The following DAB2IP variants were observed in gnomAD, a reference collection of about 807,000 sequenced individuals.
The protein encoded by DAB2IP is DAB2 interacting protein.
DAB2IP carries 28 observed loss-of-function variants against 107.2 expected under a neutral mutation model. That is an observed-to-expected ratio of 0.26 (90% CI 0.19 to 0.36). The LOEUF is 0.36. Among genes scored for constraint, DAB2IP ranks in the 10% least tolerant of loss-of-function variants. DAB2IP has a pLI of 1.00. For synonymous variants in DAB2IP, 755 were observed against 706.4 expected, an observed-to-expected ratio of 1.07 and a Z score of -1.09; for missense variants, 1,400 against 1,644.7, an observed-to-expected ratio of 0.85 and a Z score of 2.57.
intron 1 of DAB2IP, among the ~76,000 whole-genome samples, chr9:121,629,950 A>C (rs1269973100): frequency 6.6e-6 from 1 of 152,244 alleles, no homozygotes; most frequent in Non-Finnish European, 1.5e-5. Context: ...GTGTCCAAGA[A>C]CTGGAATAGG....
At chr9:121,611,375 C>T (rs1291623068) in intron 1 of DAB2IP, among the ~76,000 whole-genome samples, 1 of 152,118 alleles carries the variant, frequency 6.6e-6, no homozygotes, top group Non-Finnish European at 1.5e-5. Context: ...GTAACTCGTT[C>T]CCACCCCAAG....
At chr9:121,596,306 G>A (rs1203092254) in intron 1 of DAB2IP, among the ~76,000 whole-genome samples, 6 of 152,100 alleles carry the variant, frequency 3.9e-5, no homozygotes, top group Admixed American at 3.9e-4. Context: ...ACTCCAGCCT[G>A]GGCAATAAGA....
At chr9:121,697,791 G>T (rs1245210518) in intron 2 of DAB2IP, among the ~76,000 whole-genome samples, 3 of 152,190 alleles carry the variant, frequency 2.0e-5, no homozygotes, top group Non-Finnish European at 4.4e-5. Flanking sequence ...GGCCACAGGG[G>T]TATGTCTCCT....
intron 1 of DAB2IP, among the ~76,000 whole-genome samples, chr9:121,616,736 A>ACCGGCCCTGGC (rs1831292962): frequency 6.6e-6 from 1 of 152,166 alleles, no homozygotes; most frequent in African/African-American, 2.4e-5. Flanking sequence ...AGTCCTGAGT[A>ACCGGCCCTGGC]CCGGCCCTGG....
rs141368984 is a variant in DAB2IP at position 121,601,886 on chromosome 9, TTG to T, written c.40+34677_40+34678del. ...TTGATCCTTGCTTGCATACATGCCT[TTG>T]TGTGTGTGTGTGTGTGTGCGCGTGC... On this transcript the variant is annotated intron_variant, in intron 1 of 16. Coordinates refer to the DAB2IP transcript ENST00000259371. 1.6e-4 allele frequency among the ~76,000 whole-genome samples: 24 copies of T among 151,252 alleles called. No individual in the cohort carries two copies. The East Asian group carries it at 2.0e-3, about 12-fold the overall frequency.
At chr9:121,682,883 G>A (rs544113763) in intron 2 of DAB2IP, among the ~76,000 whole-genome samples, 57 of 152,120 alleles carry the variant, frequency 3.7e-4, no homozygotes, top group African/African-American at 1.3e-3. Flanking sequence ...GGGGGGTAGG[G>A]GAGTGGCTCT....
chr9:121,758,637 TGAGGGAC>T (rs1833659787), intron 4 of DAB2IP, among the ~76,000 whole-genome samples: 1 of 152,214 alleles, frequency 6.6e-6, no homozygotes, highest in Non-Finnish European at 1.5e-5. Context: ...CAGAGGGCAC[TGAGGGAC>T]GAGTGAGGAG....
chr9:121,698,014 G>A lies in DAB2IP; in HGVS notation c.229-1311G>A, dbSNP rs1054484970. Among the ~76,000 whole-genome samples the A allele has an allele frequency of 1.3e-5, 2 of 152,330 alleles. No individual in the cohort carries two copies. Among genetic ancestry groups the A allele is most frequent in the Middle Eastern group, 3.4e-3 (1 of 294 alleles). On this transcript the variant is annotated intron_variant, in intron 2 of 15. Transcript: ENST00000408936. The surrounding 1 kb of genome is among the most constrained non-coding windows in gnomAD (Gnocchi z 4.1). ...ACATGAGATGACTTGTACAGCCCAT[G>A]TTTGACCTTGTCATGTTGAAGATGG...
chr9:121,589,051 C>A (rs894518000), intron 1 of DAB2IP, among the ~76,000 whole-genome samples: 1 of 152,170 alleles, frequency 6.6e-6, no homozygotes, highest in African/African-American at 2.4e-5. Flanking sequence ...TTCCTGTCCT[C>A]CCTTCCCTGC....
At chr9:121,600,927 C>G (rs1830668322) in intron 1 of DAB2IP, among the ~76,000 whole-genome samples, 1 of 152,182 alleles carries the variant, frequency 6.6e-6, no homozygotes. Context: ...CCTGTGCCCT[C>G]TTGCTGTCTG....
In DAB2IP at chr9:121,702,146, A is replaced by G. The variant is rs1244736623; in HGVS notation, c.362+2688A>G. Among the ~76,000 whole-genome samples, 1 of 152,172 alleles carries G rather than the reference A, an allele frequency of 6.6e-6. No individual in the cohort carries two copies. The highest frequency in any genetic ancestry group is 1.5e-5 in the Non-Finnish European group (1 of 68,034). ...ATCTATCTGGTTTATATGGCTGCTG[A>G]AGAGGCTTTGTTGAATGCTGTCTGC... On this transcript the variant is annotated intron_variant, in intron 3 of 15. Transcript: ENST00000408936. The surrounding 1 kb of genome is among the most constrained non-coding windows in gnomAD (Gnocchi z 4.5).
At chr9:121,758,764 T>G in intron 4 of DAB2IP, 134 bp from the exon 5 acceptor site, 3 of 739,564 alleles carry the variant, frequency 4.1e-6, no homozygotes, top group Non-Finnish European at 7.0e-6. Flanking sequence ...ATGAGCCTTG[T>G]CCTGGCTCCT....
intron 3 of DAB2IP, among the ~76,000 whole-genome samples, chr9:121,738,286 C>T (rs558681795): frequency 2.0e-5 from 3 of 152,186 alleles, no homozygotes; most frequent in African/African-American, 7.2e-5. Context: ...CCTGTGCCCT[C>T]GCGCTCTCCC....
At chr9:121,624,803 C>T (rs995187515) in intron 1 of DAB2IP, among the ~76,000 whole-genome samples, 2 of 152,184 alleles carry the variant, frequency 1.3e-5, no homozygotes, top group Non-Finnish European at 2.9e-5. Flanking sequence ...TTATGTAACA[C>T]ACAACTGTAC....
chr9:121,656,580 C>T (rs1832981452), intron 1 of DAB2IP, among the ~76,000 whole-genome samples: 4 of 152,248 alleles, frequency 2.6e-5, no homozygotes. Context: ...TTTCCAGTCC[C>T]TCCTCTCCCT....
chr9:121,747,175 TC>T (rs1490844236), intron 3 of DAB2IP, among the ~76,000 whole-genome samples: 1 of 151,938 alleles, frequency 6.6e-6, no homozygotes, highest in Non-Finnish European at 1.5e-5. Context: ...ACTGTCACTC[TC>T]CCTAAACTTT....
intron 1 of DAB2IP, among the ~76,000 whole-genome samples, chr9:121,611,040 A>G (rs1831074713): frequency 1.3e-5 from 2 of 152,078 alleles, no homozygotes; most frequent in South Asian, 2.1e-4. Flanking sequence ...GAGTGGTGCA[A>G]TCTTGGCTCA....
chr9:121,781,483 G>C (rs745543365), exon 15 of DAB2IP: 1 of 1,614,032 alleles, frequency 6.2e-7, no homozygotes, highest in African/African-American at 1.3e-5. Context: ...CGTGGAGGAA[G>C]AACTGAAGAA....
intron 1 of DAB2IP, among the ~76,000 whole-genome samples, chr9:121,640,809 G>C (rs1832260195): frequency 6.6e-6 from 1 of 152,216 alleles, no homozygotes; most frequent in Admixed American, 6.5e-5. Context: ...AGAGTGGGCT[G>C]ACCACTAGAT....
Sources: allele counts gnomAD v4.1 joint callset (sites outside exome capture counted in the v4.1 genomes callset), GRCh38; gene constraint gnomAD v4.1.1; non-coding constraint Gnocchi (gnomAD v3.1); transcripts MANE v1.5; gene names NCBI Gene and HGNC (gene_info 2026-07-23, HGNC 2026-07-21).